The following PTPRG variants were observed in gnomAD, a reference collection of about 807,000 sequenced individuals.
The protein encoded by PTPRG is receptor-type tyrosine-protein phosphatase gamma.
Under a neutral mutation model 165.3 loss-of-function variants are expected in PTPRG, and 102 were observed. The ratio of observed to expected loss-of-function variants is 0.62; its 90% CI spans 0.53 to 0.73. The LOEUF (loss-of-function observed/expected upper bound fraction) is 0.73, where lower values mean the gene tolerates loss of function less well. PTPRG is among the 30% of genes least tolerant of loss of function. PTPRG has a pLI of 0.00. For synonymous variants in PTPRG, 675 were observed against 669.5 expected, an observed-to-expected ratio of 1.01 and a Z score of -0.13; for missense variants, 1,866 against 1,861.4, an observed-to-expected ratio of 1.00 and a Z score of -0.05.
chr3:61,733,053 A>T (rs1019134998), intron 1 of PTPRG, among the ~76,000 whole-genome samples: 4 of 152,188 alleles, frequency 2.6e-5, no homozygotes, highest in African/African-American at 4.8e-5. Flanking sequence ...GAAATCTCTT[A>T]AAAGGACAGT....
chr3:61,833,812 G>T (rs888115658), intron 2 of PTPRG, among the ~76,000 whole-genome samples: 8 of 152,098 alleles, frequency 5.3e-5, no homozygotes, highest in African/African-American at 1.7e-4. Flanking sequence ...CAGTGTGCCC[G>T]CCTCGGCCTC....
intron 2 of PTPRG, among the ~76,000 whole-genome samples, chr3:61,846,587 C>T (rs1401044530): frequency 6.6e-6 from 1 of 152,192 alleles, no homozygotes; most frequent in Admixed American, 6.5e-5. Context: ...GTACCTAGAA[C>T]ACAGCAAGCT....
chr3:62,187,629 A>G (rs900983275), intron 8 of PTPRG, among the ~76,000 whole-genome samples: 1 of 152,180 alleles, frequency 6.6e-6, no homozygotes, highest in African/African-American at 2.4e-5. Flanking sequence ...CAAAGCCGAA[A>G]ATATTTACTA....
chr3:61,910,147 T>C (rs2038763714), intron 2 of PTPRG, among the ~76,000 whole-genome samples: 1 of 152,236 alleles, frequency 6.6e-6, no homozygotes, highest in African/African-American at 2.4e-5. Flanking sequence ...TCTGTTCACA[T>C]GCCTTACGTA....
intron 2 of PTPRG, chr3:61,753,584 G>T (rs935023042): frequency 8.5e-6 from 3 of 350,940 alleles, no homozygotes; most frequent in Non-Finnish European, 1.6e-5. Flanking sequence ...GAAATTTGAG[G>T]GTTTTTTTTT....
At chr3:62,030,750 A>G (rs1435678040) in intron 4 of PTPRG, among the ~76,000 whole-genome samples, 1 of 152,226 alleles carries the variant, frequency 6.6e-6, no homozygotes, top group Non-Finnish European at 1.5e-5. Context: ...GTCTGAGGAT[A>G]TGTGAGTCTC....
intron 2 of PTPRG, among the ~76,000 whole-genome samples, chr3:61,828,033 A>G (rs1407572636): frequency 1.3e-5 from 2 of 152,170 alleles, no homozygotes; most frequent in African/African-American, 2.4e-5. Context: ...TCAGTTATGT[A>G]TTATTGACCT....
intron 5 of PTPRG, among the ~76,000 whole-genome samples, chr3:62,123,366 C>T (rs1703152806): frequency 6.6e-6 from 1 of 152,170 alleles, no homozygotes; most frequent in Admixed American, 6.5e-5. Context: ...CCGTCTCAGC[C>T]TCTGGGGTAG....
At chr3:62,122,192 C>T (rs1162246988) in intron 5 of PTPRG, among the ~76,000 whole-genome samples, 1 of 152,196 alleles carries the variant, frequency 6.6e-6, no homozygotes, top group Non-Finnish European at 1.5e-5. Context: ...GCTCCGACAG[C>T]TTTAACAGTA....
chr3:62,169,333 C>T (rs908465639), intron 8 of PTPRG, among the ~76,000 whole-genome samples: 1 of 152,124 alleles, frequency 6.6e-6, no homozygotes, highest in Non-Finnish European at 1.5e-5. Flanking sequence ...CTACCATCCA[C>T]CCCCGGCAAG....
intron 12 of PTPRG, among the ~76,000 whole-genome samples, chr3:62,206,891 T>C (rs1020705007): frequency 3.9e-4 from 46 of 117,120 alleles, no homozygotes; most frequent in African/African-American, 1.6e-3. Context: ...ATCACACCAC[T>C]GACAGAGCAA....
intron 2 of PTPRG, among the ~76,000 whole-genome samples, chr3:61,809,615 T>G (rs1233110490): frequency 6.6e-6 from 1 of 152,176 alleles, no homozygotes; most frequent in Non-Finnish European, 1.5e-5. Context: ...GGGGCCAGTG[T>G]GGACAGTGAA....
At chr3:61,907,132 C>T (rs2038676414) in intron 2 of PTPRG, among the ~76,000 whole-genome samples, 1 of 151,780 alleles carries the variant, frequency 6.6e-6, no homozygotes, top group South Asian at 2.1e-4. Context: ...TCTTCCCCAA[C>T]TTCCCCCACC....
intron 3 of PTPRG, among the ~76,000 whole-genome samples, chr3:61,995,600 G>GT (rs1559735711): frequency 6.6e-6 from 1 of 151,670 alleles, no homozygotes; most frequent in Non-Finnish European, 1.5e-5. Flanking sequence ...GGGTGTGTGG[G>GT]TATGGGGGTG....
intron 4 of PTPRG, among the ~76,000 whole-genome samples, chr3:62,010,999 G>T (rs2041409240): frequency 6.6e-6 from 1 of 152,180 alleles, no homozygotes; most frequent in Non-Finnish European, 1.5e-5. Context: ...AAAGCCTTCA[G>T]CAAAGAGAAG....
chr3:62,110,440 A>G (rs545060388), intron 5 of PTPRG, among the ~76,000 whole-genome samples: 1 of 152,286 alleles, frequency 6.6e-6, no homozygotes, highest in Non-Finnish European at 1.5e-5. Flanking sequence ...TACAAAATAA[A>G]TAAATGCCCT....
Position 62,004,761 on chromosome 3 carries a change from A to G in PTPRG, c.519+1264A>G, listed in dbSNP as rs190886961. Among the ~76,000 whole-genome samples the G allele has an allele frequency of 3.1e-3, 475 of 152,314 alleles. 1 individual carries two copies. The highest frequency in any genetic ancestry group is 5.6e-3 in the Non-Finnish European group (379 of 68,028). On this transcript the variant is annotated intron_variant, in intron 4 of 29. Transcript: ENST00000474889. ...GTATTCAAACATGGAGTGACTTTTC[A>G]CTGGTAACATATGTTAATCAAAGGA...
intron 4 of PTPRG, among the ~76,000 whole-genome samples, chr3:62,046,040 T>G (rs909871170): frequency 1.3e-5 from 2 of 152,078 alleles, no homozygotes; most frequent in South Asian, 4.2e-4. Flanking sequence ...CCCTGTGAGG[T>G]GGTCGCACAA....
rs544261494 is a variant in PTPRG, at chr3:61,764,175, G to A, written c.190+15193G>A. On this transcript the variant is annotated intron_variant, in intron 2 of 29. Coordinates refer to ENST00000474889, the MANE Select transcript of PTPRG (RefSeq NM_002841.4). ...AGTTGTACAAGCTTCTAAAATTCAG[G>A]TAGACCTCCCTGTTCCTTTTGGAGG... 5.2e-4 allele frequency among the ~76,000 whole-genome samples: 79 copies of A among 152,248 alleles called. 2 individuals carry two copies. Among genetic ancestry groups the A allele is most frequent in the Non-Finnish European group, 2.8e-4 (19 of 68,004 alleles).
Sources: allele counts gnomAD v4.1 joint callset (sites outside exome capture counted in the v4.1 genomes callset), GRCh38; gene constraint gnomAD v4.1.1; transcripts MANE v1.5; gene names NCBI Gene and HGNC (gene_info 2026-07-23, HGNC 2026-07-21).